The following SLC35D4 variants were observed in gnomAD, a reference collection of about 807,000 sequenced individuals.
SLC35D4 encodes solute carrier family 35 member D4.
At chr18:23,252,192 T>C in the SLC35D4 span, among the ~76,000 whole-genome samples, 2 of 150,030 alleles carry the variant, frequency 1.3e-5, no homozygotes, top group East Asian at 3.9e-4. Context: ...TAAAGTGGAG[T>C]AGTGGTTGCC....
At chr18:23,392,671 G>A in the SLC35D4 span, among the ~76,000 whole-genome samples, 3 of 152,164 alleles carry the variant, frequency 2.0e-5, no homozygotes, top group African/African-American at 7.2e-5. Context: ...GGCCTAAGGG[G>A]GCCTCAGTCT....
chr18:23,253,961 T>C, the SLC35D4 span: 8 of 1,602,854 alleles, frequency 5.0e-6, no homozygotes, highest in Non-Finnish European at 6.8e-6. Context: ...TCCTGGTGGC[T>C]GGAGGAGCAC....
At chr18:23,344,045 C>T in the SLC35D4 span, among the ~76,000 whole-genome samples, 4 of 151,924 alleles carry the variant, frequency 2.6e-5, no homozygotes, top group East Asian at 1.9e-4. Context: ...ATTACAGGTG[C>T]GTGCCACGAC....
At chr18:23,434,384 A>T in the SLC35D4 span, among the ~76,000 whole-genome samples, 1 of 152,326 alleles carries the variant, frequency 6.6e-6, no homozygotes, top group Non-Finnish European at 1.5e-5. Context: ...ACCCTTGGTC[A>T]GCTACGATTT....
chr18:23,252,960 A>G, the SLC35D4 span: 7 of 1,602,578 alleles, frequency 4.4e-6, no homozygotes, highest in Non-Finnish European at 6.0e-6. Flanking sequence ...TCTGTTACAG[A>G]CAACAGTGAT....
chr18:23,309,882 T>A, the SLC35D4 span: 1 of 808,010 alleles, frequency 1.2e-6, no homozygotes, highest in Non-Finnish European at 2.1e-6. Flanking sequence ...CCGTGTCCTT[T>A]TCCCCACACG....
the SLC35D4 span, among the ~76,000 whole-genome samples, chr18:23,353,125 G>A: frequency 6.6e-6 from 1 of 151,206 alleles, no homozygotes; most frequent in Non-Finnish European, 1.5e-5. Flanking sequence ...GTGTGTGTAT[G>A]TGAGAGAGAG....
chr18:23,377,708 A>G, the SLC35D4 span: 2 of 1,508,330 alleles, frequency 1.3e-6, no homozygotes, highest in South Asian at 1.4e-5. Flanking sequence ...TTAGACTTTT[A>G]AAACTTTTTA....
chr18:23,307,667 C>T, the SLC35D4 span, among the ~76,000 whole-genome samples: 3 of 152,212 alleles, frequency 2.0e-5, no homozygotes, highest in South Asian at 2.1e-4. Flanking sequence ...GGGTCCTCTC[C>T]GACAGTAGTA....
At chr18:23,413,647 A>G in the SLC35D4 span, among the ~76,000 whole-genome samples, 142,927 of 152,236 alleles carry the variant, frequency 0.94, 67,152 homozygotes, top group African/African-American at 0.95. Context: ...AGAGTTGGCC[A>G]GGCATGGTGG....
At chr18:23,316,901 C>A in the SLC35D4 span, among the ~76,000 whole-genome samples, 4 of 152,136 alleles carry the variant, frequency 2.6e-5, no homozygotes, top group African/African-American at 9.7e-5. Context: ...CTCACGTGAT[C>A]CCTACAACAT....
At chr18:23,407,848 G>A in the SLC35D4 span, among the ~76,000 whole-genome samples, 8,306 of 152,182 alleles carry the variant, frequency 0.055, 309 homozygotes, top group South Asian at 0.19. Context: ...CTCAATATGC[G>A]TACTTTTTGA....
chr18:23,271,248 C>A, the SLC35D4 span, among the ~76,000 whole-genome samples: 2 of 152,198 alleles, frequency 1.3e-5, no homozygotes, highest in African/African-American at 4.8e-5. Context: ...TTGCCTTCCA[C>A]CATGATTGTA....
the SLC35D4 span, among the ~76,000 whole-genome samples, chr18:23,321,106 C>T: frequency 6.6e-6 from 1 of 152,190 alleles, no homozygotes; most frequent in African/African-American, 2.4e-5. Context: ...GATCTTTAGC[C>T]TACACCCAGA....
chr18:23,272,913 C>T, the SLC35D4 span, among the ~76,000 whole-genome samples: 1 of 152,212 alleles, frequency 6.6e-6, no homozygotes, highest in African/African-American at 2.4e-5. Flanking sequence ...CCCAGTCCTA[C>T]ATCCCCACAT....
chr18:23,285,768 T>C, the SLC35D4 span, among the ~76,000 whole-genome samples: 1 of 152,118 alleles, frequency 6.6e-6, no homozygotes, highest in African/African-American at 2.4e-5. Flanking sequence ...ATAATCCTTT[T>C]ATCACCTCCC....
At chr18:23,353,121 G>GTA in the SLC35D4 span, among the ~76,000 whole-genome samples, 1 of 146,982 alleles carries the variant, frequency 6.8e-6, no homozygotes, top group African/African-American at 2.5e-5. Context: ...GTGTGTGTGT[G>GTA]TATGTGAGAG....
At chr18:23,333,092 C>T in the SLC35D4 span, among the ~76,000 whole-genome samples, 39 of 151,996 alleles carry the variant, frequency 2.6e-4, no homozygotes, top group Non-Finnish European at 3.4e-4. Flanking sequence ...GAAAAGAAAA[C>T]CTTCATAAAA....
the SLC35D4 span, among the ~76,000 whole-genome samples, chr18:23,383,224 C>A: frequency 3.9e-5 from 6 of 152,000 alleles, no homozygotes; most frequent in Non-Finnish European, 7.4e-5. Flanking sequence ...CAGCAGGTGG[C>A]TGGCACAATG....
Sources: allele counts gnomAD v4.1 joint callset (sites outside exome capture counted in the v4.1 genomes callset), GRCh38; gene constraint gnomAD v4.1.1; transcripts MANE v1.5; gene names NCBI Gene and HGNC (gene_info 2026-07-23, HGNC 2026-07-21).